Variants in IL17RD observed in about 807,000 individuals in gnomAD.
The protein encoded by IL17RD is interleukin-17 receptor D.
A neutral mutation model predicts 80.5 loss-of-function variants in IL17RD; 52 were observed. That is an observed-to-expected ratio of 0.65 (90% CI 0.52 to 0.81). The LOEUF (loss-of-function observed/expected upper bound fraction) is 0.81. IL17RD is among the 40% of genes least tolerant of loss of function. IL17RD has a pLI of 0.00. For synonymous variants in IL17RD, 416 were observed against 391.8 expected (o/e 1.06, Z -0.73); for missense variants, 1,024 against 955.1 (o/e 1.07, Z -0.95).
intron 1 of IL17RD, among the ~76,000 whole-genome samples, chr3:57,136,646 A>C (rs1228856893): frequency 1.6e-5 from 2 of 125,674 alleles, no homozygotes; most frequent in East Asian, 2.8e-4. Flanking sequence ...CCACTCAAAA[A>C]AAAAAAAAAA....
At chr3:57,117,864 C>A (rs527384975) in intron 2 of IL17RD, among the ~76,000 whole-genome samples, 1 of 152,148 alleles carries the variant, frequency 6.6e-6, no homozygotes, top group Admixed American at 6.5e-5. Flanking sequence ...GAACTTCAAA[C>A]GTCTCAGGAG....
rs796997910 is a variant in IL17RD at position 57,127,181 on chromosome 3, C to CATAT, written c.127-6872_127-6869dup. ...TAACTACTTAAAACTAAGGCCAACT[C>CATAT]ATATATATATATATATAAATATATA... On this transcript the variant is annotated intron_variant, in intron 1 of 12. Transcript: ENST00000296318. 6.6e-3 allele frequency among the ~76,000 whole-genome samples: 719 copies of CATAT among 109,092 alleles called. 47 individuals are homozygous for CATAT. In the East Asian group the frequency reaches 0.12, roughly 18 times the overall value. The allele number at this position is 109,092 out of a possible 152,430, so 71.6% of individuals were successfully genotyped here.
chr3:57,166,896 C>A (rs994382819), upstream of IL17RD, among the ~76,000 whole-genome samples: 1 of 152,238 alleles, frequency 6.6e-6, no homozygotes, highest in African/African-American at 2.4e-5. Context: ...ACTGCTAACA[C>A]AGGATTCCTG....
Position 57,093,098 on chromosome 3 carries a change from TTGCCA to T in IL17RD, c.*3290_*3294del, listed in dbSNP as rs1706595596. The T allele has an allele frequency of 6.6e-6, 1 of 152,196 alleles. No individual in the cohort carries two copies. The highest frequency in any genetic ancestry group is 2.4e-5 in the African/African-American group (1 of 41,446). 9.4% of individuals were successfully genotyped at this position (152,196 alleles called of 1,614,324 possible). ...GTGGGTGGAACAGGGGCGCTTCAGTTTGCCACAGTCCCCACCATTCCCTATTGCTG... is the reference window on the plus strand; with the variant it reads ...GTGGGTGGAACAGGGGCGCTTCAGTTCAGTCCCCACCATTCCCTATTGCTG... On this transcript the variant is annotated 3_prime_UTR_variant, in exon 13 of 13. Transcript: ENST00000296318.
rs1579255632 is a variant in IL17RD at position 57,098,611 on chromosome 3, G to T, written c.1165-73C>A. ...GGCTCGGGAAGTGAGTAACAGGAAG[G>T]GAAATGTCAGAAGGAGGCCATCTCA... is the stretch of plus-strand genomic sequence containing the variant. On this transcript the variant is annotated intron_variant, in intron 11 of 12. Coordinates refer to ENST00000296318, the MANE Select transcript of IL17RD (RefSeq NM_017563.5). 4 of 1,001,698 alleles carry T rather than the reference G, an allele frequency of 4.0e-6. No individual in the cohort carries two copies. The East Asian group carries it at 9.5e-5, about 24-fold the overall frequency. The allele number at this position is 1,001,698 out of a possible 1,614,324, so 62.1% of individuals were successfully genotyped here.
chr3:57,120,431 G>A (rs951561479), intron 1 of IL17RD, 118 bp from the exon 2 acceptor site: 38 of 710,440 alleles, frequency 5.3e-5, no homozygotes, highest in East Asian at 2.4e-4. Flanking sequence ...GCCAGTCCCC[G>A]GACATCATCC....
At chr3:57,146,989 ATTTTTTTT>A (rs1244457109) in intron 1 of IL17RD, among the ~76,000 whole-genome samples, 1 of 126,474 alleles carries the variant, frequency 7.9e-6, no homozygotes, top group South Asian at 2.6e-4. Flanking sequence ...TGCCCGGCTA[ATTTTTTTT>A]TTTTTTTTTT....
intron 1 of IL17RD, among the ~76,000 whole-genome samples, chr3:57,136,769 T>C (rs1344062527): frequency 6.6e-6 from 1 of 152,142 alleles, no homozygotes. Context: ...CAACCAGATG[T>C]CTCAAGAGCT....
At chr3:57,109,455 C>A in intron 5 of IL17RD, 82 bp downstream of exon 5, 4 of 1,524,506 alleles carry the variant, frequency 2.6e-6, no homozygotes, top group Admixed American at 1.9e-5. Flanking sequence ...TTGGCACGTT[C>A]TTGAACACAT....
chr3:57,126,911 G>A (rs187395525), intron 1 of IL17RD, among the ~76,000 whole-genome samples: 4 of 146,680 alleles, frequency 2.7e-5, no homozygotes, highest in African/African-American at 5.1e-5. Context: ...TGCAACCTCC[G>A]CCTCCCAGGT....
At chr3:57,149,053 T>C (rs780638976) in intron 1 of IL17RD, among the ~76,000 whole-genome samples, 1 of 152,188 alleles carries the variant, frequency 6.6e-6, no homozygotes, top group Non-Finnish European at 1.5e-5. Flanking sequence ...GGCTCACGCC[T>C]GTAGTCCTAG....
intron 2 of IL17RD, among the ~76,000 whole-genome samples, chr3:57,117,548 G>T (rs1707243647): frequency 6.6e-6 from 1 of 152,166 alleles, no homozygotes; most frequent in Non-Finnish European, 1.5e-5. Flanking sequence ...TGACTTAATG[G>T]CAAGACATTT....
chr3:57,134,766 T>C (rs532294141), intron 1 of IL17RD: 40 of 474,842 alleles, frequency 8.4e-5, no homozygotes, highest in East Asian at 5.9e-4. Context: ...AGCGATTACG[T>C]AGATCAACCA....
chr3:57,164,791 G>T, intron 1 of IL17RD: 1 of 663,178 alleles, frequency 1.5e-6, no homozygotes, highest in Non-Finnish European at 2.0e-6. Context: ...CGGGTGGCTC[G>T]GGGGATCCCA....
chr3:57,164,930 T>G, intron 1 of IL17RD: 15 of 1,262,718 alleles, frequency 1.2e-5, no homozygotes, highest in Admixed American at 4.6e-5. Context: ...CCGCACCTCA[T>G]TAGCAACACA....
intron 5 of IL17RD, among the ~76,000 whole-genome samples, chr3:57,107,943 A>G (rs1008535371): frequency 6.6e-6 from 1 of 152,224 alleles, no homozygotes; most frequent in Non-Finnish European, 1.5e-5. Context: ...TTTCTAGAAA[A>G]TAATTTTCTT....
At chr3:57,111,518 C>G (rs1707097332) in intron 3 of IL17RD, among the ~76,000 whole-genome samples, 1 of 152,132 alleles carries the variant, frequency 6.6e-6, no homozygotes, top group African/African-American at 2.4e-5. Flanking sequence ...TATTTTAGAT[C>G]TCGCAGGACT....
At chr3:57,121,839 A>G (rs1433451925) in intron 1 of IL17RD, among the ~76,000 whole-genome samples, 2 of 152,194 alleles carry the variant, frequency 1.3e-5, no homozygotes, top group Non-Finnish European at 2.9e-5. Flanking sequence ...ACCAAAGCCC[A>G]AGATCCCCAA....
chr3:57,160,479 G>A (rs2060296489), intron 1 of IL17RD, among the ~76,000 whole-genome samples: 1 of 151,934 alleles, frequency 6.6e-6, no homozygotes, highest in Non-Finnish European at 1.5e-5. Context: ...GCTGTTCTAG[G>A]GAGGAACTCA....
Sources: gnomAD v4.1 joint callset for allele counts (sites outside exome capture counted in the v4.1 genomes callset) on GRCh38, gnomAD v4.1.1 for gene constraint, MANE v1.5 for transcripts, NCBI Gene and HGNC (gene_info 2026-07-23, HGNC 2026-07-21) for gene names.